Variants in KIAA1217 observed in about 807,000 individuals in gnomAD.
The protein encoded by KIAA1217 is sickle tail protein homolog.
KIAA1217 carries 88 observed loss-of-function variants against 163.9 expected under a neutral mutation model. The observed-to-expected ratio is 0.54, with a 90% CI of 0.45 to 0.64. The LOEUF (loss-of-function observed/expected upper bound fraction) is 0.64. Ranked by LOEUF, KIAA1217 falls within the 30% of genes least tolerant of loss-of-function variation. The pLI is 0.00. For missense variants in KIAA1217, 2,372 were observed against 2,475.0 expected (o/e 0.96, Z 0.88); for synonymous variants, 903 against 923.1 (o/e 0.98, Z 0.39).
Position 24,520,267 on chromosome 10 carries a change from T to G in KIAA1217, c.2308+14T>G. 1 of 1,613,852 alleles carries G rather than the reference T, an allele frequency of 6.2e-7. No homozygotes were observed. The highest frequency in any genetic ancestry group is 8.5e-7 in the Non-Finnish European group (1 of 1,179,854). On this transcript the variant is annotated intron_variant, in intron 11 of 20. Coordinates refer to ENST00000376454, the MANE Select transcript of KIAA1217 (RefSeq NM_019590.5). ...CTACCCTGAAAGGTAAACTTTCTGC[T>G]GGGTCGGGGGAGGAGTCTGAGCTGT...
At chr10:24,389,634 G>A (rs187150856) in intron 3 of KIAA1217, among the ~76,000 whole-genome samples, 34 of 152,132 alleles carry the variant, frequency 2.2e-4, no homozygotes, top group African/African-American at 7.5e-4. Flanking sequence ...CAGAACCAGC[G>A]CCCTGGCCTA....
At chr10:24,427,495 T>C (rs2059270787) in intron 3 of KIAA1217, among the ~76,000 whole-genome samples, 2 of 152,200 alleles carry the variant, frequency 1.3e-5, no homozygotes, top group African/African-American at 2.4e-5. Flanking sequence ...TGCCAAATGA[T>C]GAGTTGTAAC....
chr10:23,753,110 A>T (rs1833733714), intron 1 of KIAA1217, among the ~76,000 whole-genome samples: 2 of 152,200 alleles, frequency 1.3e-5, no homozygotes, highest in South Asian at 4.1e-4. Flanking sequence ...AAATCATTGT[A>T]TAGAAAGCAT....
chr10:24,315,933 G>GGGGC (rs1554811348), intron 2 of KIAA1217, among the ~76,000 whole-genome samples: 3 of 148,838 alleles, frequency 2.0e-5, no homozygotes, highest in African/African-American at 7.4e-5. Flanking sequence ...ATCTAATGGG[G>GGGGC]GGGGGGAATC....
chr10:24,381,073 C>A lies in KIAA1217; in HGVS notation c.553+6C>A. The A allele has an allele frequency of 2.0e-6, 3 of 1,527,346 alleles. No homozygotes were observed. Among genetic ancestry groups the A allele is most frequent in the Non-Finnish European group, 2.6e-6 (3 of 1,134,448 alleles). 94.6% of individuals were successfully genotyped at this position (1,527,346 alleles called of 1,614,324 possible). A position where few individuals can be genotyped will look rare whatever the true frequency, so the allele number is the denominator to read the frequency against. ...GACGAAAGAAAGATCTCTGGGTAAGCTTTAGAAGGCAGTTTCTGATGCCCC... is the reference window on the plus strand; with the variant it reads ...GACGAAAGAAAGATCTCTGGGTAAGATTTAGAAGGCAGTTTCTGATGCCCC... On this transcript the variant is annotated splice_donor_region_variant and intron_variant, in intron 3 of 20. Transcript: ENST00000376454.
intron 16 of KIAA1217, among the ~76,000 whole-genome samples, 171 bp downstream of exon 16, chr10:24,533,408 G>GATGC (rs922381369): frequency 3.6e-4 from 55 of 152,344 alleles, no homozygotes; most frequent in African/African-American, 1.3e-3. Context: ...GCTGAACAAG[G>GATGC]CTCTCAGGAT....
chr10:24,071,030 T>G (rs927637583), intron 2 of KIAA1217, among the ~76,000 whole-genome samples: 2 of 152,148 alleles, frequency 1.3e-5, no homozygotes, highest in Non-Finnish European at 2.9e-5. Flanking sequence ...ACTAAACAAA[T>G]CACTCTATCT....
chr10:24,252,997 T>TAA (rs11287032), intron 2 of KIAA1217, among the ~76,000 whole-genome samples: 1 of 144,086 alleles, frequency 6.9e-6, no homozygotes, highest in Non-Finnish European at 1.5e-5. Context: ...TACAAATAAT[T>TAA]AAAAAAAAAA....
chr10:24,447,462 C>T (rs1309366967), intron 5 of KIAA1217, among the ~76,000 whole-genome samples: 1 of 152,040 alleles, frequency 6.6e-6, no homozygotes, highest in African/African-American at 2.4e-5. Flanking sequence ...GTTCAATTCC[C>T]ACCTATGAGT....
chr10:24,214,010 G>C (rs2068494374), intron 1 of KIAA1217, among the ~76,000 whole-genome samples: 1 of 151,796 alleles, frequency 6.6e-6, no homozygotes, highest in Non-Finnish European at 1.5e-5. Context: ...TTTTAAAGTA[G>C]CCATGCATGG....
chr10:24,002,451 A>G (rs888386126), intron 1 of KIAA1217, among the ~76,000 whole-genome samples: 1 of 152,096 alleles, frequency 6.6e-6, no homozygotes, highest in Non-Finnish European at 1.5e-5. Flanking sequence ...CTCCTTCTTT[A>G]CAAAAATTGC....
chr10:23,717,782 G>A (rs541653804), intron 1 of KIAA1217, among the ~76,000 whole-genome samples: 29 of 152,196 alleles, frequency 1.9e-4, no homozygotes, highest in African/African-American at 7.0e-4. Flanking sequence ...TGAACTCTGA[G>A]CCAAAACGAA....
chr10:23,867,811 A>G (rs1275559895), intron 1 of KIAA1217, among the ~76,000 whole-genome samples: 2 of 151,608 alleles, frequency 1.3e-5, no homozygotes, highest in African/African-American at 4.9e-5. Flanking sequence ...TTGCCTGTTC[A>G]CTCTGATGGT....
Position 24,088,374 on chromosome 10 carries a change from C to G in KIAA1217, c.-171+81000C>G, listed in dbSNP as rs2061792168. Reference sequence around the variant, plus strand: ...GGTTTGTTACATATGTATACATGTGCCATGTTGGTGTGCTGCACCCATTAA... The same window carrying G: ...GGTTTGTTACATATGTATACATGTGGCATGTTGGTGTGCTGCACCCATTAA... On this transcript the variant is annotated intron_variant, in intron 2 of 18. Coordinates refer to the KIAA1217 transcript ENST00000376462. 4.3e-5 allele frequency among the ~76,000 whole-genome samples: 5 copies of G among 117,372 alleles called. No homozygotes were observed. In the South Asian group the frequency reaches 1.5e-3, roughly 35 times the overall value. 77.0% of individuals were successfully genotyped at this position (117,372 alleles called of 152,430 possible).
chr10:24,008,208 T>TA (rs1554839661), intron 2 of KIAA1217, among the ~76,000 whole-genome samples: 2 of 148,154 alleles, frequency 1.3e-5, no homozygotes, highest in Non-Finnish European at 1.5e-5. Flanking sequence ...ATAGATAGAT[T>TA]ATTTATCTTG....
intron 5 of KIAA1217, among the ~76,000 whole-genome samples, chr10:24,442,036 A>G (rs1564687671): frequency 6.6e-6 from 1 of 151,956 alleles, no homozygotes; most frequent in South Asian, 2.1e-4. Context: ...CTCATCATTT[A>G]ATACTCTCCC....
intron 6 of KIAA1217, among the ~76,000 whole-genome samples, chr10:24,490,208 T>G (rs558573955): frequency 1.3e-5 from 2 of 152,332 alleles, no homozygotes; most frequent in East Asian, 3.9e-4. Flanking sequence ...GTTTGTGGAA[T>G]GATATAAAAT....
At chr10:24,390,480 G>GGAAA (rs2054738135) in intron 3 of KIAA1217, among the ~76,000 whole-genome samples, 1 of 106,406 alleles carries the variant, frequency 9.4e-6, no homozygotes, top group Non-Finnish European at 2.1e-5. Context: ...AGGGAGGGAA[G>GGAAA]GAAGGAAGGA....
intron 2 of KIAA1217, among the ~76,000 whole-genome samples, chr10:24,091,332 T>G (rs1196555474): frequency 6.6e-6 from 1 of 151,958 alleles, no homozygotes; most frequent in African/African-American, 2.4e-5. Context: ...CTAAAACAAC[T>G]GCTATTTTTC....
Sources: allele counts gnomAD v4.1 joint callset (sites outside exome capture counted in the v4.1 genomes callset), GRCh38; gene constraint gnomAD v4.1.1; transcripts MANE v1.5; gene names NCBI Gene and HGNC (gene_info 2026-07-23, HGNC 2026-07-21).